The following PCDHGA2 variants were observed in gnomAD, a reference collection of about 807,000 sequenced individuals.
PCDHGA2 encodes the protein protocadherin gamma subfamily A, 2.
PCDHGA2 carries 40 observed loss-of-function variants against 59.2 expected under a neutral mutation model. That is an observed-to-expected ratio of 0.68 (90% CI 0.52 to 0.88). The LOEUF is 0.88. PCDHGA2 is among the 40% of genes least tolerant of loss of function. The pLI, the probability that PCDHGA2 is intolerant of heterozygous loss-of-function variation, is 0.00. For synonymous variants in PCDHGA2, 560 were observed against 526.0 expected (o/e 1.06, Z -0.89); for missense variants, 1,226 against 1,204.0 (o/e 1.02, Z -0.27).
At chr5:141,392,349 A>T (rs60903062) in intron 1 of PCDHGA2, 6,500 of 152,632 alleles carry the variant, frequency 0.043, 224 homozygotes, top group African/African-American at 0.093. Context: ...GAGTAATTTA[A>T]TCCGATGCTA....
intron 1 of PCDHGA2, among the ~76,000 whole-genome samples, chr5:141,464,504 T>A (rs1264652523): frequency 6.6e-6 from 1 of 152,046 alleles, no homozygotes; most frequent in Non-Finnish European, 1.5e-5. Context: ...GATTGCTGCA[T>A]CATAAGGTAA....
chr5:141,375,987 G>A, intron 1 of PCDHGA2: 1 of 1,613,458 alleles, frequency 6.2e-7, no homozygotes, highest in Non-Finnish European at 8.5e-7. Context: ...CTGCTGGACA[G>A]AGACGCGCTC....
At position 141,486,094 on chromosome 5, in the gene PCDHGA2, C is replaced by G. The variant is rs749887136; in HGVS notation, c.2425-8713C>G. 2 of 1,614,112 alleles carry G rather than the reference C, an allele frequency of 1.2e-6. No homozygotes were observed. Among genetic ancestry groups the G allele is most frequent in the Admixed American group, 3.3e-5 (2 of 60,018 alleles). ...CTGGAAAGCTTACTCTTTTGGGGCCCCTAGACTTTGAGAGTGAGAATTACT... is the reference window on the plus strand; with the variant it reads ...CTGGAAAGCTTACTCTTTTGGGGCCGCTAGACTTTGAGAGTGAGAATTACT... On this transcript the variant is annotated intron_variant, in intron 1 of 3. Coordinates refer to ENST00000394576, the MANE Select transcript of PCDHGA2 (RefSeq NM_018915.4). The surrounding 1 kb of genome is among the most constrained non-coding windows in gnomAD (Gnocchi z 5.0).
chr5:141,355,033 T>C, intron 1 of PCDHGA2: 1 of 1,004,180 alleles, frequency 1.0e-6, no homozygotes, highest in African/African-American at 1.6e-5. Flanking sequence ...AATCACAAGA[T>C]TTCTGCAGCA....
chr5:141,358,949 C>T (rs1406811787), intron 1 of PCDHGA2, among the ~76,000 whole-genome samples: 1 of 152,136 alleles, frequency 6.6e-6, no homozygotes, highest in African/African-American at 2.4e-5. Flanking sequence ...GTTCTTTGTG[C>T]TTTCATTTAG....
chr5:141,417,572 G>T, intron 1 of PCDHGA2: 1 of 376,228 alleles, frequency 2.7e-6, no homozygotes, highest in East Asian at 4.1e-5. Flanking sequence ...AAGTCAAGTT[G>T]CAGTCCCACA....
At chr5:141,423,210 C>T in intron 1 of PCDHGA2, 2 of 1,613,696 alleles carry the variant, frequency 1.2e-6, no homozygotes, top group Non-Finnish European at 1.7e-6. Flanking sequence ...CCGTCACGCT[C>T]ACCGTGGCTG....
rs759356451 is a variant in PCDHGA2, at chr5:141,476,397, G to C, written c.2425-18410G>C. On this transcript the variant is annotated intron_variant, in intron 1 of 3. Transcript: ENST00000394576. The surrounding 1 kb of genome is among the most constrained non-coding windows in gnomAD (Gnocchi z 7.6). ...ATGTTTGTGAACGACCGTCTGGATC[G>C]AGAGGAGCTGTGTGGGACACTGCCC... The C allele has an allele frequency of 6.2e-7, 1 of 1,614,142 alleles. No individual in the cohort carries two copies. The highest frequency in any genetic ancestry group is 8.5e-7 in the Non-Finnish European group (1 of 1,180,036).
In PCDHGA2 at chr5:141,370,450, T is replaced by A. The variant is rs1472088781; in HGVS notation, c.2424+29055T>A. On this transcript the variant is annotated intron_variant, in intron 1 of 3. Transcript: ENST00000394576. The stretch of plus-strand genomic sequence containing the variant: ...GCAGGGCAGAGGCGAATGCTATTTC[T>A]CTTCCTGCTCTCTTTGTTAGACCAG... 2.5e-6 allele frequency: 4 copies of A among 1,609,450 alleles called. No homozygotes were observed. The African/African-American group carries it at 5.4e-5, about 22-fold the overall frequency.
intron 1 of PCDHGA2, chr5:141,408,692 ATAAAC>A: frequency 1.2e-6 from 2 of 1,613,906 alleles, no homozygotes; most frequent in Non-Finnish European, 1.7e-6. Flanking sequence ...TGATATAAAC[ATAAAC>A]TCAATTAAAG....
chr5:141,422,643 C>T, intron 1 of PCDHGA2: 1 of 1,612,336 alleles, frequency 6.2e-7, no homozygotes, highest in Non-Finnish European at 8.5e-7. Flanking sequence ...GTGCCTCCAT[C>T]TTCTCAGTGA....
chr5:141,345,853 G>A lies in PCDHGA2; in HGVS notation c.2424+4458G>A, dbSNP rs1264864080. The A allele has an allele frequency of 1.6e-5, 26 of 1,613,182 alleles. No homozygotes were observed. The highest frequency in any genetic ancestry group is 4.0e-5 in the African/African-American group (3 of 74,870). ...GGCCAGAACGCCTGGCTGTCCTACCGCCTGCTCAAGGCCAGCGAGCCGGGA... is the reference window on the plus strand; with the variant it reads ...GGCCAGAACGCCTGGCTGTCCTACCACCTGCTCAAGGCCAGCGAGCCGGGA... On this transcript the variant is annotated intron_variant, in intron 1 of 3. Coordinates refer to ENST00000394576, the MANE Select transcript of PCDHGA2 (RefSeq NM_018915.4).
rs1233637152 is a variant in PCDHGA2 at position 141,432,543 on chromosome 5, A to G, written c.2425-62264A>G. ...CTGGTGACCAAGGTGGTGGCGGTGGACAGAGACTCCGGCCAGAACGCCTGG... is the reference window on the plus strand; with the variant it reads ...CTGGTGACCAAGGTGGTGGCGGTGGGCAGAGACTCCGGCCAGAACGCCTGG... On this transcript the variant is annotated intron_variant, in intron 1 of 3. Transcript: ENST00000394576. This position sits in a 1 kb window ranked among gnomAD's most constrained non-coding sequence, Gnocchi z 6.0. 3 of 1,613,678 alleles carry G rather than the reference A, an allele frequency of 1.9e-6. No individual in the cohort carries two copies. In the African/African-American group the frequency reaches 4.0e-5, roughly 22 times the overall value.
At position 141,365,767 on chromosome 5, in the gene PCDHGA2, C is replaced by A. The variant is rs775369116; in HGVS notation, c.2424+24372C>A. 1.9e-6 allele frequency: 3 copies of A among 1,613,718 alleles called. No homozygotes were observed. The East Asian group carries it at 6.7e-5, about 36-fold the overall frequency. ...TCTTCTCTGTGACAGCCCATGACCC[C>A]GACAGCGGCGACAACGCTCGAGTCA... On this transcript the variant is annotated intron_variant, in intron 1 of 3. Transcript: ENST00000394576.
rs143737031 is a variant in PCDHGA2 at position 141,454,359 on chromosome 5, G to C, written c.2425-40448G>C. Among the ~76,000 whole-genome samples, 105 of 152,200 alleles carry C rather than the reference G, an allele frequency of 6.9e-4. No individual in the cohort carries two copies. In the East Asian group the frequency reaches 0.014, roughly 20 times the overall value. ...AATGTTGGAAGTTGATCCAAACTTA[G>C]AAAGGAGTATGGCAACTTGTCAAGA... On this transcript the variant is annotated intron_variant, in intron 1 of 3. Coordinates refer to ENST00000394576, the MANE Select transcript of PCDHGA2 (RefSeq NM_018915.4).
intron 1 of PCDHGA2, among the ~76,000 whole-genome samples, chr5:141,468,914 G>A (rs563780068): frequency 2.6e-5 from 4 of 151,700 alleles, no homozygotes; most frequent in Admixed American, 2.6e-4. Context: ...CAGACTAGAA[G>A]AGAATAGCAC....
At chr5:141,400,008 C>A (rs1395195387) in intron 1 of PCDHGA2, 1 of 1,612,692 alleles carries the variant, frequency 6.2e-7, no homozygotes, top group South Asian at 1.1e-5. Flanking sequence ...CAGCGCGTGC[C>A]TTGGGCGACA....
intron 1 of PCDHGA2, chr5:141,422,778 C>T (rs1041081332): frequency 1.9e-6 from 3 of 1,613,932 alleles, no homozygotes; most frequent in Admixed American, 1.7e-5. Flanking sequence ...TTCTCTATGC[C>T]CTACAATCCT....
intron 1 of PCDHGA2, chr5:141,355,063 C>A (rs902736924): frequency 9.1e-6 from 12 of 1,314,416 alleles, no homozygotes; most frequent in Admixed American, 2.9e-5. Flanking sequence ...GGCTCTGGAG[C>A]TTTATGAAAG....
Sources: allele counts gnomAD v4.1 joint callset (sites outside exome capture counted in the v4.1 genomes callset), GRCh38; gene constraint gnomAD v4.1.1; non-coding constraint Gnocchi (gnomAD v3.1); transcripts MANE v1.5; gene names NCBI Gene and HGNC (gene_info 2026-07-23, HGNC 2026-07-21).